The following ATF7IP variants were observed in gnomAD, a reference collection of about 807,000 sequenced individuals.
ATF7IP encodes the protein activating transcription factor 7 interacting protein, also known as activating transcription factor 7-interacting protein 1.
ATF7IP carries 23 observed loss-of-function variants against 106.4 expected under a neutral mutation model. That is an observed-to-expected ratio of 0.22 (90% CI 0.16 to 0.31). The LOEUF (loss-of-function observed/expected upper bound fraction) is 0.31. Among genes scored for constraint, ATF7IP ranks in the 10% least tolerant of loss-of-function variants. ATF7IP has a pLI of 1.00. For missense variants in ATF7IP, 1,334 were observed against 1,524.3 expected, an observed-to-expected ratio of 0.88 and a Z score of 2.08; for synonymous variants, 542 against 539.0, an observed-to-expected ratio of 1.01 and a Z score of -0.08.
chr12:14,386,862 A>T (rs1443438923), intron 1 of ATF7IP, among the ~76,000 whole-genome samples: 1 of 152,126 alleles, frequency 6.6e-6, no homozygotes, highest in East Asian at 1.9e-4. Flanking sequence ...TGTCTTCGTT[A>T]TGTTGATTTT....
chr12:14,436,263 A>G lies in ATF7IP; in HGVS notation c.1791+12A>G. On this transcript the variant is annotated intron_variant, in intron 4 of 14. Coordinates refer to ENST00000261168, the MANE Select transcript of ATF7IP (RefSeq NM_018179.5). ...AGAAACTTCAAAAGGTATTGTGTCAATTATAAGTTATAAACCATATTGAAT... is the reference window on the plus strand; with the variant it reads ...AGAAACTTCAAAAGGTATTGTGTCAGTTATAAGTTATAAACCATATTGAAT... The G allele has an allele frequency of 2.5e-6, 4 of 1,606,528 alleles. No individual in the cohort carries two copies. The South Asian group carries it at 3.3e-5, about 13-fold the overall frequency.
chr12:14,454,113 T>A (rs1943322498), intron 6 of ATF7IP, among the ~76,000 whole-genome samples: 1 of 152,226 alleles, frequency 6.6e-6, no homozygotes, highest in Non-Finnish European at 1.5e-5. Flanking sequence ...TGTGGACTCT[T>A]GTACACAGGA....
At chr12:14,449,346 C>G (rs905353698) in intron 6 of ATF7IP, among the ~76,000 whole-genome samples, 4 of 151,972 alleles carry the variant, frequency 2.6e-5, no homozygotes, top group African/African-American at 7.2e-5. Context: ...CATCTTCTTT[C>G]TTTTGCGTGT....
Position 14,498,196 on chromosome 12 carries a change from T to C in ATF7IP, c.*123T>C. The C allele has an allele frequency of 1.1e-6, 1 of 901,494 alleles. No homozygotes were observed. Among genetic ancestry groups the C allele is most frequent in the Non-Finnish European group, 1.7e-6 (1 of 594,400 alleles). 55.8% of individuals were successfully genotyped at this position (901,494 alleles called of 1,614,324 possible). On this transcript the variant is annotated 3_prime_UTR_variant, in exon 15 of 15. Coordinates refer to ENST00000261168, the MANE Select transcript of ATF7IP (RefSeq NM_018179.5). The stretch of plus-strand genomic sequence containing the variant: ...AAGATTTCTTGGACAGATGTGTGTA[T>C]ACACTACATTTGTTTATAACCAGAA...
intron 1 of ATF7IP, chr12:14,395,142 G>A (rs934118670): frequency 2.6e-5 from 4 of 151,686 alleles, no homozygotes; most frequent in East Asian, 1.9e-4. Context: ...ATTTAGACTC[G>A]AGAAGGCTGA....
In ATF7IP at chr12:14,497,583, T is replaced by C; in HGVS notation, c.3394-71T>C. 3.6e-6 allele frequency: 5 copies of C among 1,384,748 alleles called. 2 individuals are homozygous for C. The South Asian group carries it at 6.9e-5, about 19-fold the overall frequency. 85.8% of individuals were successfully genotyped at this position (1,384,748 alleles called of 1,614,324 possible). On this transcript the variant is annotated intron_variant, in intron 14 of 14. Transcript: ENST00000261168. ...ATACTTCTACGTATGTTCTCTAAGGTGTTTTAATTCTAACATTCTAAAATA... is the reference window on the plus strand; with the variant it reads ...ATACTTCTACGTATGTTCTCTAAGGCGTTTTAATTCTAACATTCTAAAATA...
At chr12:14,490,918 A>C (rs904339095) in intron 13 of ATF7IP, among the ~76,000 whole-genome samples, 1 of 152,056 alleles carries the variant, frequency 6.6e-6, no homozygotes, top group Non-Finnish European at 1.5e-5. Flanking sequence ...TGACTTGATG[A>C]CCCATAGTCA....
rs550055859 is a variant in ATF7IP, at chr12:14,464,975, G to T, written c.2798-1551G>T. 1.1e-4 allele frequency among the ~76,000 whole-genome samples: 16 copies of T among 152,296 alleles called. 1 individual carries two copies. The highest frequency in any genetic ancestry group is 2.1e-4 in the South Asian group (1 of 4,824). On this transcript the variant is annotated intron_variant, in intron 9 of 14. Transcript: ENST00000261168. ...TCATGCCTATAATCCCAGCACTTTG[G>T]GAGGCTGAAGCAGGTGGATCACTTG...
chr12:14,410,387 T>G lies in ATF7IP; in HGVS notation c.-7-13522T>G, dbSNP rs112630511. On this transcript the variant is annotated intron_variant, in intron 1 of 14. Transcript: ENST00000261168. ...TCCAGTATGTCCAGCATATCTACAC[T>G]GTAGACGCTACCCACCCATTAGTCA... Among the ~76,000 whole-genome samples, 773 of 152,280 alleles carry G rather than the reference T, an allele frequency of 5.1e-3. 3 individuals carry two copies. Among genetic ancestry groups the G allele is most frequent in the East Asian group, 0.015 (77 of 5,188 alleles).
In ATF7IP at chr12:14,444,766, G is replaced by C. The variant is rs1055599613; in HGVS notation, c.1930-2222G>C. ...TTAAAATGATAATTCTTTTAAAAAA[G>C]AGTTTGAATACCACAAATGTATGTG... On this transcript the variant is annotated intron_variant, in intron 5 of 14. Coordinates refer to ENST00000261168, the MANE Select transcript of ATF7IP (RefSeq NM_018179.5). Among the ~76,000 whole-genome samples the C allele has an allele frequency of 1.1e-4, 16 of 152,128 alleles. 1 individual carries two copies. Among genetic ancestry groups the C allele is most frequent in the Admixed American group, 9.8e-4 (15 of 15,286 alleles).
intron 1 of ATF7IP, among the ~76,000 whole-genome samples, chr12:14,379,926 G>A (rs1591761529): frequency 6.6e-6 from 1 of 152,080 alleles, no homozygotes; most frequent in East Asian, 1.9e-4. Flanking sequence ...GGGCTCTTTG[G>A]TCTGGAAATT....
intron 12 of ATF7IP, among the ~76,000 whole-genome samples, chr12:14,479,475 AG>A (rs879766791): frequency 2.2e-4 from 33 of 152,304 alleles, no homozygotes; most frequent in Non-Finnish European, 4.7e-4. Context: ...TACTTATATA[AG>A]TACTCTTCTC....
intron 1 of ATF7IP, among the ~76,000 whole-genome samples, chr12:14,399,671 T>C (rs1190389756): frequency 1.3e-5 from 2 of 152,154 alleles, no homozygotes; most frequent in African/African-American, 4.8e-5. Context: ...CTTCTGGGTA[T>C]ATTTCTTATG....
intron 1 of ATF7IP, among the ~76,000 whole-genome samples, chr12:14,410,068 G>A (rs1940822206): frequency 1.3e-5 from 2 of 152,028 alleles, no homozygotes; most frequent in Admixed American, 1.3e-4. Context: ...CCCTTTAGCA[G>A]CCAACCGTTA....
At chr12:14,483,468 A>G (rs1944492253) in intron 13 of ATF7IP, among the ~76,000 whole-genome samples, 1 of 152,100 alleles carries the variant, frequency 6.6e-6, no homozygotes, top group South Asian at 2.1e-4. Flanking sequence ...CCAGGTGGCA[A>G]TCTTAAGTTC....
chr12:14,498,198 C>G lies in ATF7IP; in HGVS notation c.*125C>G. On this transcript the variant is annotated 3_prime_UTR_variant, in exon 15 of 15. Coordinates refer to ENST00000261168, the MANE Select transcript of ATF7IP (RefSeq NM_018179.5). ...GATTTCTTGGACAGATGTGTGTATA[C>G]ACTACATTTGTTTATAACCAGAAGC... is the stretch of plus-strand genomic sequence containing the variant. The G allele has an allele frequency of 1.1e-6, 1 of 899,862 alleles. No individual in the cohort carries two copies. 55.7% of individuals were successfully genotyped at this position (899,862 alleles called of 1,614,324 possible).
rs982968450 is a variant in ATF7IP at position 14,427,644 on chromosome 12, G to A, written c.1558+2171G>A. Among the ~76,000 whole-genome samples the A allele has an allele frequency of 3.9e-5, 6 of 152,264 alleles. No homozygotes were observed. The East Asian group carries it at 7.7e-4, about 20-fold the overall frequency. ...CTCCCAAAGTGCTGGGATTACAAGCGTGAGCCACCGCGTCTGGCCAAGTCT... is the reference window on the plus strand; with the variant it reads ...CTCCCAAAGTGCTGGGATTACAAGCATGAGCCACCGCGTCTGGCCAAGTCT... On this transcript the variant is annotated intron_variant, in intron 2 of 14. Transcript: ENST00000261168.
At chr12:14,483,338 C>T (rs781241113) in intron 13 of ATF7IP, among the ~76,000 whole-genome samples, 1 of 152,178 alleles carries the variant, frequency 6.6e-6, no homozygotes, top group Non-Finnish European at 1.5e-5. Flanking sequence ...GCATACTCTT[C>T]CTTACCTCCG....
chr12:14,434,331 TAAC>T lies in ATF7IP; in HGVS notation c.1559-4_1559-2del, dbSNP rs1254440226. The T allele has an allele frequency of 1.4e-6, 2 of 1,471,246 alleles. No homozygotes were observed. The highest frequency in any genetic ancestry group is 1.9e-6 in the Non-Finnish European group (2 of 1,063,952). The allele number at this position is 1,471,246 out of a possible 1,614,324, so 91.1% of individuals were successfully genotyped here. ...GTAAGATTTTCTTTTCTATATTTGT[TAAC>T]AGCAGAAGTAGAAAGTAATGAAAAG... On this transcript the variant is annotated splice_polypyrimidine_tract_variant and splice_region_variant and intron_variant, in intron 2 of 14. Coordinates refer to ENST00000261168, the MANE Select transcript of ATF7IP (RefSeq NM_018179.5).
Sources: gnomAD v4.1 joint callset for allele counts (sites outside exome capture counted in the v4.1 genomes callset) on GRCh38, gnomAD v4.1.1 for gene constraint, MANE v1.5 for transcripts, NCBI Gene and HGNC (gene_info 2026-07-23, HGNC 2026-07-21) for gene names.